JPH3: variants seen among roughly 807,000 people sequenced by gnomAD.
JPH3 encodes junctophilin 3.
A neutral mutation model predicts 59.6 loss-of-function variants in JPH3; 11 were observed. The ratio of observed to expected loss-of-function variants is 0.18; its 90% CI spans 0.12 to 0.31. The LOEUF (loss-of-function observed/expected upper bound fraction) is 0.31, where lower values mean the gene tolerates loss of function less well. Among genes scored for constraint, JPH3 ranks in the 10% least tolerant of loss-of-function variants. The pLI is 1.00. For synonymous variants in JPH3, 673 were observed against 483.6 expected (o/e 1.39, Z -5.14); for missense variants, 1,202 against 1,105.7 (o/e 1.09, Z -1.24).
chr16:87,658,805 A>G (rs1333639338), intron 2 of JPH3, among the ~76,000 whole-genome samples: 1 of 152,196 alleles, frequency 6.6e-6, no homozygotes, highest in Non-Finnish European at 1.5e-5. Flanking sequence ...GACAAGGTGG[A>G]TTGGGGCTTG....
chr16:87,664,880 C>T (rs1458398353), intron 2 of JPH3, among the ~76,000 whole-genome samples: 1 of 152,184 alleles, frequency 6.6e-6, no homozygotes, highest in East Asian at 1.9e-4. Context: ...AAGGAAGCGT[C>T]ATGAGGACCC....
intron 3 of JPH3, among the ~76,000 whole-genome samples, chr16:87,687,409 C>A (rs1297006283): frequency 1.3e-5 from 2 of 152,206 alleles, no homozygotes; most frequent in Non-Finnish European, 1.5e-5. Flanking sequence ...GTGGCTGGCG[C>A]CAGCCTCTTG....
At chr16:87,637,619 A>G (rs991332915) in intron 1 of JPH3, among the ~76,000 whole-genome samples, 1 of 152,080 alleles carries the variant, frequency 6.6e-6, no homozygotes, top group Admixed American at 6.5e-5. Context: ...AGTGACTCAC[A>G]GGCCCTTCTG....
intron 1 of JPH3, among the ~76,000 whole-genome samples, chr16:87,643,804 C>A (rs2032037225): frequency 6.6e-6 from 1 of 152,038 alleles, no homozygotes; most frequent in Non-Finnish European, 1.5e-5. Context: ...TAGGAAGGTA[C>A]CATGGTCTGT....
rs368142343 is a variant in JPH3, at chr16:87,690,302, C to T, written c.1942C>T (p.Arg648Trp). The change falls in exon 4 of 5, where the codon CGG becomes TGG. Residue 648 changes from arginine (R) to tryptophan (W), a missense_variant. Coordinates refer to ENST00000284262, the MANE Select transcript of JPH3 (RefSeq NM_020655.4). ...GGGGGACGACCACCGCCCCGAGGAC[C>T]GGGGCTTCGGGGTGCAGAGACTGCG... is the stretch of plus-strand genomic sequence containing the variant. Reference protein sequence around the residue: ...GLGDDHRPEDRGFGVQRLRSK... With the variant: ...GLGDDHRPEDWGFGVQRLRSK... The T allele has an allele frequency of 2.4e-5, 39 of 1,594,320 alleles. No individual in the cohort carries two copies. Among genetic ancestry groups the T allele is most frequent in the Middle Eastern group, 3.3e-4 (2 of 6,054 alleles).
At chr16:87,602,391 C>G (rs2030236971), upstream of JPH3, among the ~76,000 whole-genome samples, 1 of 114,274 alleles carries the variant, frequency 8.8e-6, no homozygotes, top group Non-Finnish European at 1.8e-5. Flanking sequence ...TGGGCCGCGC[C>G]CCTCTTGGGA....
chr16:87,607,104 C>T (rs951664811), intron 1 of JPH3, among the ~76,000 whole-genome samples: 1 of 152,208 alleles, frequency 6.6e-6, no homozygotes, highest in Non-Finnish European at 1.5e-5. Flanking sequence ...TTATATCTCT[C>T]GTTCTCTTGT....
At chr16:87,651,590 A>T (rs548352787) in intron 2 of JPH3, among the ~76,000 whole-genome samples, 17 of 152,372 alleles carry the variant, frequency 1.1e-4, no homozygotes, top group Middle Eastern at 3.4e-3. Context: ...TCAAGACTTC[A>T]GTGGAGGAAG....
At chr16:87,677,633 C>A (rs2033185670) in intron 2 of JPH3, among the ~76,000 whole-genome samples, 1 of 152,172 alleles carries the variant, frequency 6.6e-6, no homozygotes, top group Non-Finnish European at 1.5e-5. Context: ...GACAGCGTGG[C>A]CCCCGTCATA....
At chr16:87,626,925 G>T in intron 1 of JPH3, among the ~76,000 whole-genome samples, 1 of 152,224 alleles carries the variant, frequency 6.6e-6, no homozygotes, top group Middle Eastern at 3.2e-3. Flanking sequence ...AGGATCTCTT[G>T]AGGCCAGGAG....
Position 87,677,015 on chromosome 16 carries a change from C to T in JPH3, c.1161-7127C>T, listed in dbSNP as rs181083872. Among the ~76,000 whole-genome samples, 882 of 151,740 alleles carry T rather than the reference C, an allele frequency of 5.8e-3. 25 individuals are homozygous for T. The highest frequency in any genetic ancestry group is 0.02 in the African/African-American group (833 of 41,134). On this transcript the variant is annotated intron_variant, in intron 2 of 4. Coordinates refer to ENST00000284262, the MANE Select transcript of JPH3 (RefSeq NM_020655.4). ...TCTACTAAGAATACAAAAAATTAGC[C>T]GGGCGTGGTGGCGGGCGCCTGTAGT...
intron 2 of JPH3, among the ~76,000 whole-genome samples, chr16:87,651,170 G>A (rs1324268467): frequency 1.3e-5 from 2 of 152,216 alleles, no homozygotes; most frequent in East Asian, 1.9e-4. Flanking sequence ...ATGGCTGCAC[G>A]GCTTACAGCA....
intron 2 of JPH3, among the ~76,000 whole-genome samples, chr16:87,674,200 G>A (rs376140456): frequency 6.6e-6 from 1 of 152,138 alleles, no homozygotes; most frequent in South Asian, 2.1e-4. Flanking sequence ...CAGGCGTGGT[G>A]GCGGGCGCCT....
Position 87,644,991 on chromosome 16 carries a change from G to A in JPH3, c.1116G>A (p.Arg372=), listed in dbSNP as rs375238392. 2.6e-5 allele frequency: 42 copies of A among 1,608,182 alleles called. No individual in the cohort carries two copies. In the African/African-American group the frequency reaches 5.3e-4, roughly 20 times the overall value. ...ACCGCGCCGTTGAGGCCGCTGAGCG[G>A]GCCGCCACCATCGCCAAGCAGAAGG... is the stretch of plus-strand genomic sequence containing the variant. The part of the protein sequence containing the change: ...KVDRAVEAAE[R]AATIAKQKAE... The change falls in exon 2 of 5, where the codon CGG becomes CGA. Residue 372 remains arginine, a synonymous_variant. Transcript: ENST00000284262.
intron 1 of JPH3, among the ~76,000 whole-genome samples, chr16:87,609,746 T>A (rs2030663598): frequency 6.6e-6 from 1 of 152,188 alleles, no homozygotes; most frequent in Admixed American, 6.5e-5. Context: ...CCATTCTCTT[T>A]ACATCTGCCT....
intron 3 of JPH3, among the ~76,000 whole-genome samples, chr16:87,686,786 A>T (rs930220290): frequency 6.6e-6 from 1 of 152,180 alleles, no homozygotes; most frequent in Non-Finnish European, 1.5e-5. Context: ...TAAGTCCTGA[A>T]GCTGCCTCCT....
rs1397962171 is a variant in JPH3 at position 87,696,670 on chromosome 16, G to A, written c.*10G>A. 2.9e-5 allele frequency: 46 copies of A among 1,606,538 alleles called. No homozygotes were observed. Among genetic ancestry groups the A allele is most frequent in the Non-Finnish European group, 3.5e-5 (41 of 1,173,830 alleles). On this transcript the variant is annotated 3_prime_UTR_variant, in exon 5 of 5. Coordinates refer to ENST00000284262, the MANE Select transcript of JPH3 (RefSeq NM_020655.4). ...TAACTTTTTCATCTGATGAGATGTC[G>A]CGGTAGCAAAAATAGAGAAAGGGTA...
intron 2 of JPH3, among the ~76,000 whole-genome samples, chr16:87,675,383 C>G (rs868384594): frequency 6.6e-6 from 1 of 152,172 alleles, no homozygotes; most frequent in Non-Finnish European, 1.5e-5. Context: ...AGACCAGCCT[C>G]CCCGTCCAGC....
At chr16:87,606,208 C>G (rs1029661593) in intron 1 of JPH3, among the ~76,000 whole-genome samples, 3 of 152,242 alleles carry the variant, frequency 2.0e-5, no homozygotes, top group Admixed American at 2.0e-4. Flanking sequence ...ATGGCCCCAG[C>G]TCCACTCTGA....
Sources: gnomAD v4.1 joint callset for allele counts (sites outside exome capture counted in the v4.1 genomes callset) on GRCh38, gnomAD v4.1.1 for gene constraint, MANE v1.5 for transcripts, NCBI Gene and HGNC (gene_info 2026-07-23, HGNC 2026-07-21) for gene names.